The following HCN1 variants were observed in gnomAD, a reference collection of about 807,000 sequenced individuals.
HCN1 encodes the protein potassium/sodium hyperpolarization-activated cyclic nucleotide-gated channel 1.
In HCN1, 13 loss-of-function variants were observed where a neutral mutation model predicts 78.9. The observed-to-expected ratio is 0.16, with a 90% CI of 0.11 to 0.26. The LOEUF (loss-of-function observed/expected upper bound fraction) is 0.26, where lower values mean the gene tolerates loss of function less well. HCN1 is among the 10% of genes least tolerant of loss of function. HCN1 has a pLI of 1.00. For synonymous variants in HCN1, 552 were observed against 455.5 expected (o/e 1.21, Z -2.70); for missense variants, 810 against 1,154.3 (o/e 0.70, Z 4.32).
intron 2 of HCN1, among the ~76,000 whole-genome samples, chr5:45,582,266 T>C (rs538857101): frequency 1.1e-4 from 17 of 152,316 alleles, no homozygotes; most frequent in Admixed American, 2.6e-4. Flanking sequence ...CTAGGTATTT[T>C]ATTCTCTTTG....
In HCN1 at chr5:45,595,093, TA is replaced by T. The variant is rs991446843; in HGVS notation, c.849+50091del. ...CAGGTAATATAGCAAAAAGGCAGGA[TA>T]TTTTTTTCCAAGTAATAGAGAACAA... On this transcript the variant is annotated intron_variant, in intron 2 of 7. Coordinates refer to ENST00000303230, the MANE Select transcript of HCN1 (RefSeq NM_021072.4). Among the ~76,000 whole-genome samples, 194 of 152,280 alleles carry T rather than the reference TA, an allele frequency of 1.3e-3. 1 individual carries two copies. Among genetic ancestry groups the T allele is most frequent in the African/African-American group, 3.9e-3 (164 of 41,542 alleles).
intron 2 of HCN1, among the ~76,000 whole-genome samples, chr5:45,476,051 T>G: frequency 6.6e-6 from 1 of 152,038 alleles, no homozygotes; most frequent in East Asian, 1.9e-4. Flanking sequence ...TAGGTGAGAG[T>G]AGCTATAGGA....
intron 3 of HCN1, among the ~76,000 whole-genome samples, chr5:45,438,336 C>T (rs1739414582): frequency 1.3e-5 from 2 of 152,028 alleles, no homozygotes; most frequent in South Asian, 4.1e-4. Context: ...GAATTAAAAA[C>T]ACATATGACA....
intron 2 of HCN1, among the ~76,000 whole-genome samples, chr5:45,580,046 A>T (rs1437374819): frequency 6.6e-6 from 1 of 152,118 alleles, no homozygotes; most frequent in East Asian, 1.9e-4. Context: ...TCAAAGCCAC[A>T]GTCCCGCTGA....
intron 2 of HCN1, among the ~76,000 whole-genome samples, chr5:45,539,919 GATATATAT>G (rs66934051): frequency 0.22 from 27,248 of 125,384 alleles, 2,879 homozygotes; most frequent in East Asian, 0.36. Flanking sequence ...TAAATTGTGA[GATATATAT>G]ATATATATAT....
rs1463275785 is a variant in HCN1 at position 45,258,176 on chromosome 5, A to T, written c.*3745T>A. 6.6e-6 allele frequency: 1 copy of T among 152,186 alleles called. No individual in the cohort carries two copies. Among genetic ancestry groups the T allele is most frequent in the Non-Finnish European group, 1.5e-5 (1 of 68,008 alleles). 9.4% of individuals were successfully genotyped at this position (152,186 alleles called of 1,614,324 possible). ...CAAATATAAAAACCTAAGCTGAAAG[A>T]GGAGGTATGGAGATTTTTTAAATAG... On this transcript the variant is annotated 3_prime_UTR_variant, in exon 8 of 8. Transcript: ENST00000303230.
intron 5 of HCN1, among the ~76,000 whole-genome samples, chr5:45,347,436 G>T (rs1016268927): frequency 2.0e-5 from 3 of 152,120 alleles, no homozygotes; most frequent in African/African-American, 7.2e-5. Flanking sequence ...AGAAAAACTG[G>T]AAACTCTAAA....
intron 5 of HCN1, among the ~76,000 whole-genome samples, chr5:45,343,741 A>C (rs760555294): frequency 1.3e-5 from 2 of 152,180 alleles, no homozygotes; most frequent in Non-Finnish European, 2.9e-5. Context: ...TTAGAACTAC[A>C]GTTTATAGAA....
chr5:45,636,330 T>G (rs1176605530), intron 2 of HCN1, among the ~76,000 whole-genome samples: 14 of 152,320 alleles, frequency 9.2e-5, no homozygotes, highest in Non-Finnish European at 7.3e-5. Flanking sequence ...TGTCTCCAAC[T>G]TTCATAAACC....
At chr5:45,580,479 C>A (rs866625443) in intron 2 of HCN1, among the ~76,000 whole-genome samples, 1 of 152,048 alleles carries the variant, frequency 6.6e-6, no homozygotes, top group Admixed American at 6.6e-5. Flanking sequence ...TGATTTAACT[C>A]AGTGAGAACC....
At chr5:45,365,647 A>G (rs1296567901) in intron 4 of HCN1, among the ~76,000 whole-genome samples, 1 of 151,952 alleles carries the variant, frequency 6.6e-6, no homozygotes, top group East Asian at 1.9e-4. Flanking sequence ...GCTGTGATAA[A>G]TATATGAGTG....
chr5:45,267,186 G>A lies in HCN1; in HGVS notation c.1686C>T (p.Tyr562=). 2 of 1,613,950 alleles carry A rather than the reference G, an allele frequency of 1.2e-6. No homozygotes were observed. Among genetic ancestry groups the A allele is most frequent in the South Asian group, 1.1e-5 (1 of 91,074 alleles). Residue 562 remains tyrosine (Y), a synonymous_variant, in exon 7 of 8, where the codon TAC becomes TAT. Coordinates refer to ENST00000303230, the MANE Select transcript of HCN1 (RefSeq NM_021072.4). The part of the protein sequence containing the change: ...SVRADTYCRL[Y]SLSVDNFNEV... ...CGTTGAAATTGTCCACGGAAAGTGA[G>A]TAAAGACGACAATATGTATCAGCTC...
intron 6 of HCN1, among the ~76,000 whole-genome samples, chr5:45,280,210 T>A (rs1262834176): frequency 6.6e-6 from 1 of 152,196 alleles, no homozygotes; most frequent in Non-Finnish European, 1.5e-5. Context: ...GCTGTATATT[T>A]ACTTACTATT....
intron 5 of HCN1, among the ~76,000 whole-genome samples, chr5:45,329,602 A>G (rs1746305066): frequency 6.6e-6 from 1 of 151,524 alleles, no homozygotes; most frequent in African/African-American, 2.4e-5. Context: ...GAAGTTTATG[A>G]AACAAATGAT....
chr5:45,694,977 CCT>C (rs929014005), intron 1 of HCN1: 4 of 152,310 alleles, frequency 2.6e-5, no homozygotes, highest in South Asian at 2.1e-4. Context: ...GTCAACGCCC[CCT>C]CTCTCTGTTT....
At chr5:45,289,295 T>C (rs1745327950) in intron 6 of HCN1, among the ~76,000 whole-genome samples, 4 of 152,024 alleles carry the variant, frequency 2.6e-5, no homozygotes, top group Non-Finnish European at 5.9e-5. Context: ...TACTTTGGGC[T>C]GAGAACAGAG....
chr5:45,611,002 G>C (rs571105493), intron 2 of HCN1, among the ~76,000 whole-genome samples: 1 of 151,022 alleles, frequency 6.6e-6, no homozygotes, highest in African/African-American at 2.4e-5. Flanking sequence ...TGAATATTTT[G>C]AATTGTGACC....
intron 3 of HCN1, among the ~76,000 whole-genome samples, chr5:45,435,688 G>A (rs538842033): frequency 6.6e-6 from 1 of 151,998 alleles, no homozygotes; most frequent in African/African-American, 2.4e-5. Flanking sequence ...AAGAAGAAAA[G>A]ATATTAAATG....
At chr5:45,269,703 T>G (rs369152803) in intron 6 of HCN1, among the ~76,000 whole-genome samples, 10 of 152,150 alleles carry the variant, frequency 6.6e-5, no homozygotes, top group African/African-American at 2.4e-4. Flanking sequence ...CCACTGACAT[T>G]TCCCCCCACT....
Sources: allele counts gnomAD v4.1 joint callset (sites outside exome capture counted in the v4.1 genomes callset), GRCh38; gene constraint gnomAD v4.1.1; transcripts MANE v1.5; gene names NCBI Gene and HGNC (gene_info 2026-07-23, HGNC 2026-07-21).